The following ADGRL3 variants were observed in gnomAD, a reference collection of about 807,000 sequenced individuals.
ADGRL3 encodes calcium-independent alpha-latrotoxin receptor 3.
ADGRL3 carries 62 observed loss-of-function variants against 153.5 expected under a neutral mutation model. The observed-to-expected ratio is 0.40, with a 90% CI of 0.33 to 0.50. ADGRL3 has a LOEUF of 0.50. ADGRL3 is among the 20% of genes least tolerant of loss of function. ADGRL3 has a pLI of 0.47. For synonymous variants in ADGRL3, 710 were observed against 672.5 expected (o/e 1.06, Z -0.86); for missense variants, 1,641 against 1,859.4 (o/e 0.88, Z 2.16).
chr4:61,784,858 A>C (rs2097259128), intron 8 of ADGRL3, among the ~76,000 whole-genome samples: 1 of 152,146 alleles, frequency 6.6e-6, no homozygotes, highest in African/African-American at 2.4e-5. Context: ...CTGGGTTCAA[A>C]AATGGCTTCA....
At chr4:61,550,193 C>A (rs2098733827) in intron 4 of ADGRL3, among the ~76,000 whole-genome samples, 2 of 148,596 alleles carry the variant, frequency 1.3e-5, no homozygotes, top group South Asian at 4.1e-4. Flanking sequence ...GTATATTCAT[C>A]TTTATGAAAA....
At chr4:61,515,975 G>T in intron 3 of ADGRL3, among the ~76,000 whole-genome samples, 1 of 151,946 alleles carries the variant, frequency 6.6e-6, no homozygotes, top group East Asian at 1.9e-4. Context: ...ATTTACACAG[G>T]CTATAAAAAT....
chr4:61,804,194 C>G (rs1030116878), intron 8 of ADGRL3, among the ~76,000 whole-genome samples: 3 of 152,248 alleles, frequency 2.0e-5, no homozygotes, highest in Middle Eastern at 3.4e-3. Context: ...AATCTGTTCT[C>G]TTTATACTTA....
intron 1 of ADGRL3, among the ~76,000 whole-genome samples, chr4:61,279,552 A>G (rs2093631132): frequency 6.6e-6 from 1 of 152,182 alleles, no homozygotes; most frequent in Admixed American, 6.6e-5. Context: ...CCCTTCATCT[A>G]TAAGATGTGG....
intron 1 of ADGRL3, among the ~76,000 whole-genome samples, chr4:61,297,363 A>G (rs944699403): frequency 2.0e-5 from 3 of 152,154 alleles, no homozygotes; most frequent in Admixed American, 6.6e-5. Flanking sequence ...CATGTGCCTC[A>G]TATAATATAT....
At chr4:61,777,218 A>G (rs1489102164) in intron 8 of ADGRL3, among the ~76,000 whole-genome samples, 1 of 152,060 alleles carries the variant, frequency 6.6e-6, no homozygotes, top group South Asian at 2.1e-4. Flanking sequence ...CTGTAGAACC[A>G]GCTACTCGGG....
intron 3 of ADGRL3, among the ~76,000 whole-genome samples, chr4:61,515,056 C>G (rs1435055800): frequency 1.3e-5 from 2 of 152,080 alleles, no homozygotes; most frequent in Non-Finnish European, 2.9e-5. Context: ...TCTTCCCTCC[C>G]AAGAGTTTTA....
At position 61,824,152 on chromosome 4, in the gene ADGRL3, A is replaced by T. The variant is rs1034950735; in HGVS notation, c.1480+10263A>T. Reference sequence around the variant, plus strand: ...TATAGTATTTTTAAGAAAATCTTTCATCATCTTATTTATTCATCTTAAGAA... The same window carrying T: ...TATAGTATTTTTAAGAAAATCTTTCTTCATCTTATTTATTCATCTTAAGAA... On this transcript the variant is annotated intron_variant, in intron 9 of 26. Transcript: ENST00000683033. Among the ~76,000 whole-genome samples, 3 of 152,322 alleles carry T rather than the reference A, an allele frequency of 2.0e-5. No homozygotes were observed. In the East Asian group the frequency reaches 5.8e-4, roughly 29 times the overall value.
intron 8 of ADGRL3, among the ~76,000 whole-genome samples, chr4:61,735,403 C>CTAAG (rs1179363354): frequency 1.3e-5 from 2 of 152,312 alleles, no homozygotes; most frequent in African/African-American, 2.4e-5. Flanking sequence ...GCAATTTCTC[C>CTAAG]TAAGTCCTCA....
intron 18 of ADGRL3, among the ~76,000 whole-genome samples, chr4:61,983,171 T>C (rs1426279995): frequency 6.6e-6 from 1 of 152,212 alleles, no homozygotes; most frequent in East Asian, 1.9e-4. Context: ...CTGTCATCTA[T>C]AAGCCATTAT....
chr4:61,561,673 A>G (rs919394332), intron 4 of ADGRL3, among the ~76,000 whole-genome samples: 4 of 152,274 alleles, frequency 2.6e-5, no homozygotes, highest in Non-Finnish European at 5.9e-5. Flanking sequence ...CTATTAGGAA[A>G]CACACTAACA....
chr4:61,500,124 T>C (rs2098370355), intron 3 of ADGRL3, among the ~76,000 whole-genome samples: 2 of 151,278 alleles, frequency 1.3e-5, no homozygotes, highest in African/African-American at 4.9e-5. Flanking sequence ...ATAGGACACA[T>C]AAAAGACTAA....
intron 4 of ADGRL3, chr4:61,583,603 T>C: frequency 1.9e-6 from 1 of 513,690 alleles, no homozygotes; most frequent in South Asian, 1.4e-5. Flanking sequence ...TAGCTGTATG[T>C]TTGATATGAA....
chr4:61,224,593 T>G, intron 1 of ADGRL3, among the ~76,000 whole-genome samples: 1 of 152,184 alleles, frequency 6.6e-6, no homozygotes, highest in East Asian at 1.9e-4. Flanking sequence ...GTTTAACGTA[T>G]GTCAGTAGAG....
At chr4:61,295,562 C>A (rs938776092) in intron 1 of ADGRL3, among the ~76,000 whole-genome samples, 2 of 151,996 alleles carry the variant, frequency 1.3e-5, no homozygotes, top group African/African-American at 4.8e-5. Flanking sequence ...TGAAACTGAG[C>A]AAGTTAATAA....
intron 4 of ADGRL3, among the ~76,000 whole-genome samples, chr4:61,536,351 A>C (rs973523087): frequency 1.3e-5 from 2 of 152,100 alleles, no homozygotes; most frequent in Non-Finnish European, 2.9e-5. Flanking sequence ...GAAAATGTAT[A>C]TTCTACATTT....
At chr4:61,888,377 G>A (rs539736387) in intron 9 of ADGRL3, among the ~76,000 whole-genome samples, 2 of 152,278 alleles carry the variant, frequency 1.3e-5, no homozygotes, top group African/African-American at 2.4e-5. Flanking sequence ...GTGTCATATC[G>A]CCTCTCCATT....
chr4:61,260,080 A>C lies in ADGRL3; in HGVS notation c.-240+58315A>C, dbSNP rs2149569114. 1.3e-5 allele frequency among the ~76,000 whole-genome samples: 2 copies of C among 152,342 alleles called. 1 individual carries two copies. Among genetic ancestry groups the C allele is most frequent in the South Asian group, 4.1e-4 (2 of 4,826 alleles). The stretch of plus-strand genomic sequence containing the variant: ...TCAAAATATATGATAAACATGCTAT[A>C]TATTAATACCATTCAAGGTCAGAGT... On this transcript the variant is annotated intron_variant, in intron 1 of 26. Transcript: ENST00000683033.
chr4:61,696,514 G>C (rs969483447), intron 6 of ADGRL3, among the ~76,000 whole-genome samples: 7 of 151,658 alleles, frequency 4.6e-5, no homozygotes, highest in African/African-American at 1.7e-4. Flanking sequence ...AGTTCAACTA[G>C]CTTATATTTT....
Sources: allele counts gnomAD v4.1 joint callset (sites outside exome capture counted in the v4.1 genomes callset), GRCh38; gene constraint gnomAD v4.1.1; transcripts MANE v1.5; gene names NCBI Gene and HGNC (gene_info 2026-07-23, HGNC 2026-07-21).